The following OR7E24 variants were observed in gnomAD, a reference collection of about 807,000 sequenced individuals.
The protein encoded by OR7E24 is olfactory receptor 7E24.
For missense variants in OR7E24, 385 were observed against 410.3 expected, an observed-to-expected ratio of 0.94 and a Z score of 0.53; for synonymous variants, 130 against 157.5, an observed-to-expected ratio of 0.83 and a Z score of 1.31.
upstream of OR7E24, among the ~76,000 whole-genome samples, chr19:9,242,893 C>T (rs2066120011): frequency 1.3e-5 from 2 of 151,828 alleles, no homozygotes; most frequent in Non-Finnish European, 2.9e-5. Context: ...TCCCTCATTC[C>T]CTCCTCTTTC....
the OR7E24 span, chr19:9,219,074 A>G: frequency 1.5e-3 from 224 of 152,306 alleles, no homozygotes; most frequent in African/African-American, 5.1e-3. Flanking sequence ...ATAAGTCACC[A>G]TCTCCACCAC....
At chr19:9,209,396 T>C in the OR7E24 span, 3 of 152,136 alleles carry the variant, frequency 2.0e-5, no homozygotes, top group East Asian at 5.8e-4. Flanking sequence ...CTTGAAATGA[T>C]AGCCCCTATT....
chr19:9,228,839 T>C, the OR7E24 span, among the ~76,000 whole-genome samples: 7 of 152,204 alleles, frequency 4.6e-5, no homozygotes, highest in Admixed American at 1.3e-4. Flanking sequence ...ATATGTCCTA[T>C]ACAATACAGT....
chr19:9,246,412 A>G (rs2066130196), upstream of OR7E24, among the ~76,000 whole-genome samples: 2 of 147,486 alleles, frequency 1.4e-5, no homozygotes, highest in Admixed American at 1.4e-4. Flanking sequence ...TCATTTGCTT[A>G]TTATATCTAC....
the OR7E24 span, among the ~76,000 whole-genome samples, chr19:9,229,628 C>A: frequency 2.0e-5 from 3 of 152,186 alleles, no homozygotes; most frequent in African/African-American, 4.8e-5. Flanking sequence ...GAAAGAGTTT[C>A]TCCTTGGAGA....
At chr19:9,218,200 A>T in the OR7E24 span, among the ~76,000 whole-genome samples, 5 of 152,238 alleles carry the variant, frequency 3.3e-5, no homozygotes, top group Non-Finnish European at 7.3e-5. Context: ...CATCAACTAT[A>T]ACACAAAATA....
At chr19:9,248,452 A>C (rs948263078), upstream of OR7E24, among the ~76,000 whole-genome samples, 4 of 152,338 alleles carry the variant, frequency 2.6e-5, no homozygotes, top group Admixed American at 2.6e-4. Context: ...AAGTCCAGAC[A>C]CATAGCATTT....
At chr19:9,239,049 T>C in the OR7E24 span, among the ~76,000 whole-genome samples, 1 of 152,118 alleles carries the variant, frequency 6.6e-6, no homozygotes, top group Non-Finnish European at 1.5e-5. Context: ...GATCCTAAGG[T>C]AGTTCTATTT....
At chr19:9,231,303 C>T in the OR7E24 span, among the ~76,000 whole-genome samples, 3 of 151,576 alleles carry the variant, frequency 2.0e-5, no homozygotes, top group African/African-American at 2.4e-5. Context: ...CCTTGGTGGC[C>T]GGGCATGGTG....
the OR7E24 span, among the ~76,000 whole-genome samples, chr19:9,215,676 A>G: frequency 6.6e-6 from 1 of 152,194 alleles, no homozygotes; most frequent in African/African-American, 2.4e-5. Context: ...AAAATGCCAT[A>G]TGCACGGTAG....
the OR7E24 span, among the ~76,000 whole-genome samples, chr19:9,221,540 C>T: frequency 9.2e-6 from 1 of 109,134 alleles, no homozygotes; most frequent in Non-Finnish European, 1.6e-5. Flanking sequence ...TTAGTAGAGA[C>T]GGGGTTATCA....
In OR7E24 at chr19:9,251,353, C is replaced by T. The variant is rs914392249; in HGVS notation, c.298C>T (p.Gln100Ter). The stretch of plus-strand genomic sequence containing the variant: ...GGTCCCCAAGATGATTGTGGACATG[C>T]AAACTCACAGCAGAGTCATCTCCTA... The change falls in exon 2 of 2, where the codon CAA becomes TAA. Residue 100 changes from glutamine (Q) to a stop codon, truncating the protein, a stop_gained. Coordinates refer to the OR7E24 transcript ENST00000641946. LOFTEE classifies it low-confidence loss of function (END_TRUNC). 2 of 1,613,876 alleles carry T rather than the reference C, an allele frequency of 1.2e-6. No homozygotes were observed. Among genetic ancestry groups the T allele is most frequent in the East Asian group, 2.2e-5 (1 of 44,902 alleles).
At chr19:9,242,885 C>T (rs117913543), upstream of OR7E24, among the ~76,000 whole-genome samples, 603 of 149,760 alleles carry the variant, frequency 4.0e-3, 11 homozygotes, top group East Asian at 7.0e-3. Context: ...CTCTTTCTTC[C>T]CTCATTCCCT....
chr19:9,218,364 T>G, the OR7E24 span, among the ~76,000 whole-genome samples: 2 of 152,154 alleles, frequency 1.3e-5, no homozygotes, highest in Non-Finnish European at 2.9e-5. Flanking sequence ...GTCTGCATAA[T>G]TCATCACAAA....
At chr19:9,228,476 C>T in the OR7E24 span, among the ~76,000 whole-genome samples, 1 of 142,826 alleles carries the variant, frequency 7.0e-6, no homozygotes, top group African/African-American at 3.0e-5. Context: ...TCTCCGCTTC[C>T]CTAAAAACTT....
the OR7E24 span, chr19:9,208,126 T>G: frequency 1.3e-5 from 2 of 150,992 alleles, no homozygotes; most frequent in Non-Finnish European, 2.9e-5. Flanking sequence ...AACCTCCACC[T>G]CCCAGGTTCA....
At chr19:9,245,697 C>CA (rs1298487572), upstream of OR7E24, among the ~76,000 whole-genome samples, 4 of 152,214 alleles carry the variant, frequency 2.6e-5, no homozygotes, top group African/African-American at 9.7e-5. Context: ...GTGTGAGCCC[C>CA]TTGAGGCGTT....
chr19:9,229,749 G>C, the OR7E24 span, among the ~76,000 whole-genome samples: 7 of 152,166 alleles, frequency 4.6e-5, no homozygotes, highest in East Asian at 1.2e-3. Context: ...AAAAACAATA[G>C]AACAATTTAT....
chr19:9,215,361 A>AAC, the OR7E24 span, among the ~76,000 whole-genome samples: 1 of 147,540 alleles, frequency 6.8e-6, no homozygotes, highest in African/African-American at 2.6e-5. Context: ...AAAAAAAAAA[A>AAC]AAAACCTCTT....
Sources: allele counts gnomAD v4.1 joint callset (sites outside exome capture counted in the v4.1 genomes callset), GRCh38; gene constraint gnomAD v4.1.1; transcripts MANE v1.5; gene names NCBI Gene and HGNC (gene_info 2026-07-23, HGNC 2026-07-21).